The following USH2A variants were observed in gnomAD, a reference collection of about 807,000 sequenced individuals.
USH2A encodes the protein Usher syndrome 2A (autosomal recessive, mild).
A neutral mutation model predicts 538.9 loss-of-function variants in USH2A; 443 were observed. That is an observed-to-expected ratio of 0.82 (90% CI 0.76 to 0.89). The LOEUF (loss-of-function observed/expected upper bound fraction) is 0.89, where lower values mean the gene tolerates loss of function less well. Ranked by LOEUF, USH2A falls within the 40% of genes least tolerant of loss-of-function variation. The pLI is 0.00. For synonymous variants in USH2A, 2,413 were observed against 2,273.5 expected (o/e 1.06, Z -1.75); for missense variants, 6,633 against 6,324.8 (o/e 1.05, Z -1.65).
chr1:216,421,927 G>T lies in USH2A; in HGVS notation c.410C>A (p.Ser137Tyr). ...FIFGNHKSCF[S>Y]SPPSPKLMAS... is the part of the protein sequence containing the mutation. ...CATCAGCTTTGGAGAAGGAGGAGAA[G>T]AAAAGCAGCTCTTGTGATTTCCAAA... is the stretch of plus-strand genomic sequence containing the variant. Residue 137 changes from serine (S) to tyrosine (Y), a missense_variant, in exon 2 of 72, where the codon TCT becomes TAT. Physicochemically the swap from Ser to Tyr is moderately radical, Grantham distance 144. Transcript: ENST00000307340. The T allele has an allele frequency of 6.2e-7, 1 of 1,613,960 alleles. No individual in the cohort carries two copies. The highest frequency in any genetic ancestry group is 1.1e-5 in the South Asian group (1 of 91,092).
chr1:216,159,998 C>G (rs1393057843), intron 21 of USH2A, among the ~76,000 whole-genome samples: 2 of 151,916 alleles, frequency 1.3e-5, no homozygotes, highest in Non-Finnish European at 2.9e-5. Flanking sequence ...TGTAAGATTT[C>G]TAGTAATGGC....
intron 9 of USH2A, among the ~76,000 whole-genome samples, chr1:216,297,460 G>T (rs1218226511): frequency 6.6e-6 from 1 of 151,962 alleles, no homozygotes; most frequent in East Asian, 1.9e-4. Flanking sequence ...ATAATCTTAG[G>T]ATAAGTGGTA....
intron 62 of USH2A, among the ~76,000 whole-genome samples, chr1:215,679,645 T>C (rs561704687): frequency 5.5e-4 from 84 of 152,340 alleles, no homozygotes; most frequent in African/African-American, 2.0e-3. Context: ...ACATTGTTTC[T>C]CACGGCTACA....
intron 21 of USH2A, 62 bp downstream of exon 21, chr1:216,175,190 A>C (rs2034350744): frequency 1.2e-6 from 2 of 1,605,934 alleles, no homozygotes; most frequent in South Asian, 2.2e-5. Context: ...AGGGATATGA[A>C]AATATAGAAA....
At position 215,799,091 on chromosome 1, in the gene USH2A, C is replaced by T; in HGVS notation, c.9774G>A (p.Arg3258=). 6.2e-7 allele frequency: 1 copy of T among 1,613,976 alleles called. No homozygotes were observed. Among genetic ancestry groups the T allele is most frequent in the Non-Finnish European group, 8.5e-7 (1 of 1,179,962 alleles). The stretch of plus-strand genomic sequence containing the variant: ...AGGAATCACCAATGCCAACAGAAAC[C>T]CGATTGTGCTGTTCATCTGGACAGC... The part of the protein sequence containing the change: ...EVCCPDEQHN[R]VSVGIGDSCC... Residue 3258 remains arginine, a synonymous_variant, in exon 50 of 72, where the codon CGG becomes CGA. Transcript: ENST00000307340.
intron 12 of USH2A, among the ~76,000 whole-genome samples, chr1:216,248,796 T>C (rs1422840041): frequency 6.6e-6 from 1 of 152,144 alleles, no homozygotes; most frequent in East Asian, 1.9e-4. Context: ...GAATATGCCA[T>C]ACATATTCCT....
intron 3 of USH2A, among the ~76,000 whole-genome samples, chr1:216,414,770 G>A (rs1262329363): frequency 6.6e-6 from 1 of 152,016 alleles, no homozygotes; most frequent in East Asian, 1.9e-4. Context: ...TCAATTTGTG[G>A]CCATTTGGAA....
rs747499202 is a variant in USH2A at position 215,877,790 on chromosome 1, A to G, written c.8649T>C (p.Thr2883=). ...LNRWHNIYSG[T]QWLYEDKGLS... ...GACCCTTATCTTCATAAAGCCACTG[A>G]GTTCCTGAATAAATATTGTGCCACC... Residue 2883 remains threonine (T), a synonymous_variant, in exon 43 of 72, where the codon ACT becomes ACC. Coordinates refer to ENST00000307340, the MANE Select transcript of USH2A (RefSeq NM_206933.4). 18 of 1,613,794 alleles carry G rather than the reference A, an allele frequency of 1.1e-5. No homozygotes were observed. Among genetic ancestry groups the G allele is most frequent in the Non-Finnish European group, 1.5e-5 (18 of 1,179,730 alleles).
At chr1:216,072,166 C>T (rs1319549515) in intron 29 of USH2A, among the ~76,000 whole-genome samples, 1 of 152,088 alleles carries the variant, frequency 6.6e-6, no homozygotes, top group African/African-American at 2.4e-5. Context: ...TGTTCAGTTT[C>T]CTGACAAATA....
chr1:215,905,972 G>A (rs1323508565), intron 38 of USH2A, among the ~76,000 whole-genome samples: 1 of 152,078 alleles, frequency 6.6e-6, no homozygotes, highest in Admixed American at 6.6e-5. Context: ...TTCCGAAATA[G>A]CTACATATGA....
chr1:216,105,982 A>G (rs1000218036), intron 21 of USH2A, among the ~76,000 whole-genome samples: 7 of 151,542 alleles, frequency 4.6e-5, no homozygotes, highest in African/African-American at 1.7e-4. Flanking sequence ...ACTTTTTCAA[A>G]GATTTTTTAA....
intron 14 of USH2A, among the ~76,000 whole-genome samples, chr1:216,231,521 C>T (rs542497093): frequency 1.5e-3 from 227 of 146,876 alleles, no homozygotes; most frequent in African/African-American, 5.3e-3. Flanking sequence ...GTGGATGTCA[C>T]GGAACAAAAA....
At chr1:215,735,115 G>A (rs1308036669) in intron 60 of USH2A, among the ~76,000 whole-genome samples, 1 of 152,152 alleles carries the variant, frequency 6.6e-6, no homozygotes, top group African/African-American at 2.4e-5. Flanking sequence ...TCCGACATTT[G>A]GAAAACCAAC....
At chr1:215,671,609 G>A (rs115832522) in intron 63 of USH2A, among the ~76,000 whole-genome samples, 120 of 152,210 alleles carry the variant, frequency 7.9e-4, no homozygotes, top group African/African-American at 2.5e-3. Context: ...TGATCTGTTC[G>A]AAAGGGGTGA....
At chr1:216,315,944 A>G (rs1020245206) in intron 9 of USH2A, among the ~76,000 whole-genome samples, 2 of 152,162 alleles carry the variant, frequency 1.3e-5, no homozygotes, top group African/African-American at 4.8e-5. Context: ...GTTTCACCCT[A>G]AATCAGTTCT....
At chr1:215,921,688 T>C (rs530154335) in intron 38 of USH2A, among the ~76,000 whole-genome samples, 66 of 152,056 alleles carry the variant, frequency 4.3e-4, no homozygotes, top group African/African-American at 1.4e-3. Flanking sequence ...AGAACTAGGC[T>C]TCTATAGTCA....
Position 215,837,990 on chromosome 1 carries a change from C to A in USH2A, c.9371+1G>T. On this transcript the variant is annotated splice_donor_variant, in intron 47 of 71. Transcript: ENST00000307340. LOFTEE classifies it high-confidence loss of function. The stretch of plus-strand genomic sequence containing the variant: ...GATTTAACTGACACAAAATTTTGTA[C>A]CTTGAAGTGATGCCACGAATTGTGG... The A allele has an allele frequency of 6.2e-7, 1 of 1,612,400 alleles. No individual in the cohort carries two copies.
At chr1:216,385,574 G>A (rs545275420) in intron 3 of USH2A, among the ~76,000 whole-genome samples, 28 of 152,242 alleles carry the variant, frequency 1.8e-4, no homozygotes, top group African/African-American at 5.5e-4. Flanking sequence ...GAATTTTGGG[G>A]TGAAGGTCAC....
At chr1:216,045,725 C>T (rs1350442816) in intron 32 of USH2A, among the ~76,000 whole-genome samples, 2 of 152,136 alleles carry the variant, frequency 1.3e-5, no homozygotes, top group Non-Finnish European at 2.9e-5. Flanking sequence ...TTGTGCTTAG[C>T]ACATTTGTGC....
Sources: gnomAD v4.1 joint callset for allele counts (sites outside exome capture counted in the v4.1 genomes callset) on GRCh38, gnomAD v4.1.1 for gene constraint, MANE v1.5 for transcripts, NCBI Gene and HGNC (gene_info 2026-07-23, HGNC 2026-07-21) for gene names.